GSK3B: variants seen among roughly 807,000 people sequenced by gnomAD.
The protein encoded by GSK3B is glycogen synthase kinase 3 beta.
GSK3B carries 15 observed loss-of-function variants against 56.4 expected under a neutral mutation model. The observed-to-expected ratio is 0.27, with a 90% CI of 0.18 to 0.41. The LOEUF (loss-of-function observed/expected upper bound fraction) is 0.41, where lower values mean the gene tolerates loss of function less well. Among genes scored for constraint, GSK3B ranks in the 10% least tolerant of loss-of-function variants. GSK3B has a pLI of 1.00. For missense variants in GSK3B, 300 were observed against 513.4 expected, an observed-to-expected ratio of 0.58 and a Z score of 4.02; for synonymous variants, 181 against 188.9, an observed-to-expected ratio of 0.96 and a Z score of 0.34.
At chr3:119,903,229 G>A (rs144495405) in intron 7 of GSK3B, among the ~76,000 whole-genome samples, 8 of 152,086 alleles carry the variant, frequency 5.3e-5, no homozygotes, top group East Asian at 1.9e-4. Flanking sequence ...GGGCAGCCAC[G>A]GTCAAGAACA....
At chr3:119,875,612 T>C (rs938454218) in intron 8 of GSK3B, among the ~76,000 whole-genome samples, 2 of 151,986 alleles carry the variant, frequency 1.3e-5, no homozygotes. Context: ...TTTGAATCTT[T>C]GGTCAGAGTT....
chr3:119,845,846 G>C (rs567979845), intron 9 of GSK3B, among the ~76,000 whole-genome samples: 1 of 152,052 alleles, frequency 6.6e-6, no homozygotes, highest in African/African-American at 2.4e-5. Flanking sequence ...AAAAGAGCCC[G>C]TATAGCCAAG....
At chr3:119,947,926 T>C (rs2057116359) in intron 2 of GSK3B, among the ~76,000 whole-genome samples, 1 of 151,718 alleles carries the variant, frequency 6.6e-6, no homozygotes, top group African/African-American at 2.4e-5. Flanking sequence ...CTGATAGATT[T>C]GTAGACCACA....
intron 9 of GSK3B, among the ~76,000 whole-genome samples, chr3:119,861,576 C>A (rs2056103655): frequency 6.6e-6 from 1 of 150,912 alleles, no homozygotes; most frequent in Non-Finnish European, 1.5e-5. Context: ...AACAAAAAAA[C>A]CCCACCTCTT....
intron 1 of GSK3B, among the ~76,000 whole-genome samples, chr3:120,075,364 T>C (rs965181359): frequency 2.6e-5 from 4 of 151,962 alleles, no homozygotes; most frequent in African/African-American, 7.3e-5. Flanking sequence ...AACAGAATAC[T>C]AGAAGTGCTG....
intron 2 of GSK3B, among the ~76,000 whole-genome samples, chr3:119,997,458 A>T (rs1200123730): frequency 6.6e-6 from 1 of 152,232 alleles, no homozygotes; most frequent in Non-Finnish European, 1.5e-5. Flanking sequence ...TAAAACGTAC[A>T]TAACTATAAA....
chr3:120,028,805 C>T (rs913469752), intron 1 of GSK3B: 6 of 443,366 alleles, frequency 1.4e-5, no homozygotes, highest in South Asian at 7.3e-5. Context: ...CGCCAGTGGG[C>T]GGCCGCAGCT....
At chr3:119,939,477 C>A (rs2057026768) in intron 3 of GSK3B, among the ~76,000 whole-genome samples, 1 of 152,116 alleles carries the variant, frequency 6.6e-6, no homozygotes, top group South Asian at 2.1e-4. Context: ...GCTAATTGAT[C>A]ATATAAAGCT....
chr3:120,065,018 C>T (rs1052115642), intron 1 of GSK3B, among the ~76,000 whole-genome samples: 1 of 152,080 alleles, frequency 6.6e-6, no homozygotes, highest in Admixed American at 6.6e-5. Context: ...AGACTACAAA[C>T]CCCTTAGAAG....
intron 3 of GSK3B, among the ~76,000 whole-genome samples, chr3:119,941,226 A>T (rs904326019): frequency 6.6e-6 from 1 of 152,126 alleles, no homozygotes; most frequent in African/African-American, 2.4e-5. Flanking sequence ...CATGTTAGCC[A>T]GGCTGGTCTC....
Position 119,972,426 on chromosome 3 carries a change from TTTTG to T in GSK3B, c.283-25079_283-25076del, listed in dbSNP as rs576140612. On this transcript the variant is annotated intron_variant, in intron 2 of 10. Coordinates refer to ENST00000264235, the MANE Select transcript of GSK3B (RefSeq NM_001146156.2). Reference sequence around the variant, plus strand: ...GGGGAAAAAAGATAATTTTTATCTATTTTGTTTGTTTGTTTGTTTGTTTTTTTGA... The same window carrying T: ...GGGGAAAAAAGATAATTTTTATCTATTTTGTTTGTTTGTTTGTTTTTTTGA... 9.1e-3 allele frequency among the ~76,000 whole-genome samples: 1,384 copies of T among 152,210 alleles called. 17 individuals are homozygous for T. The highest frequency in any genetic ancestry group is 0.029 in the African/African-American group (1,203 of 41,518).
chr3:119,966,292 G>C (rs2057317855), intron 2 of GSK3B, among the ~76,000 whole-genome samples: 1 of 152,092 alleles, frequency 6.6e-6, no homozygotes, highest in South Asian at 2.1e-4. Flanking sequence ...GCTAAGAAAG[G>C]AAAATTCTAA....
At chr3:120,085,334 T>C (rs1411579112) in intron 1 of GSK3B, among the ~76,000 whole-genome samples, 1 of 152,168 alleles carries the variant, frequency 6.6e-6, no homozygotes, top group African/African-American at 2.4e-5. Flanking sequence ...ATTTAAGTAA[T>C]GTATAGAATG....
intron 1 of GSK3B, 78 bp downstream of exon 1, chr3:120,093,269 T>C: frequency 1.0e-6 from 1 of 958,822 alleles, no homozygotes; most frequent in Non-Finnish European, 1.7e-6. Flanking sequence ...GGTCTAATAA[T>C]TTCAGATCCT....
intron 2 of GSK3B, among the ~76,000 whole-genome samples, chr3:119,967,465 T>C (rs1489344495): frequency 6.6e-6 from 1 of 152,192 alleles, no homozygotes; most frequent in Non-Finnish European, 1.5e-5. Context: ...CAAAATAATC[T>C]TGTAAAGAAG....
At chr3:120,017,458 T>C (rs1461941657) in intron 1 of GSK3B, among the ~76,000 whole-genome samples, 2 of 152,214 alleles carry the variant, frequency 1.3e-5, no homozygotes, top group Non-Finnish European at 2.9e-5. Context: ...AATATTGCAT[T>C]CTGACAACCC....
intron 2 of GSK3B, among the ~76,000 whole-genome samples, chr3:119,997,799 T>C (rs1162011993): frequency 6.6e-6 from 1 of 152,152 alleles, no homozygotes; most frequent in African/African-American, 2.4e-5. Context: ...GTATATATGG[T>C]AACATAATAC....
chr3:119,909,378 C>T (rs1409211072), intron 6 of GSK3B, among the ~76,000 whole-genome samples: 1 of 152,060 alleles, frequency 6.6e-6, no homozygotes. Flanking sequence ...TATTTGCATG[C>T]TTTTGTTTGT....
chr3:120,025,986 G>C (rs867647192), intron 1 of GSK3B, among the ~76,000 whole-genome samples: 1 of 152,220 alleles, frequency 6.6e-6, no homozygotes, highest in South Asian at 2.1e-4. Flanking sequence ...TATGATGGAC[G>C]GTAGCCAGAT....
Sources: allele counts gnomAD v4.1 joint callset (sites outside exome capture counted in the v4.1 genomes callset), GRCh38; gene constraint gnomAD v4.1.1; transcripts MANE v1.5; gene names NCBI Gene and HGNC (gene_info 2026-07-23, HGNC 2026-07-21).